Variants in GNB2 observed in about 807,000 individuals in gnomAD.
GNB2 encodes G protein subunit beta 2.
GNB2 carries 7 observed loss-of-function variants against 40.7 expected under a neutral mutation model. The ratio of observed to expected loss-of-function variants is 0.17; its 90% CI spans 0.10 to 0.32. The LOEUF (loss-of-function observed/expected upper bound fraction) is 0.32, where lower values mean the gene tolerates loss of function less well. Ranked by LOEUF, GNB2 falls within the 10% of genes least tolerant of loss-of-function variation. GNB2 has a pLI of 1.00. For synonymous variants in GNB2, 254 were observed against 191.2 expected (o/e 1.33, Z -2.71); for missense variants, 286 against 473.0 (o/e 0.60, Z 3.67).
chr7:100,677,335 ACACCGTTCCC>A lies in GNB2; in HGVS notation c.204-12_204-3del. ...TTCACGCCACCCTTCTGCTCTCCCT[ACACCGTTCCC>A]CACCAGGCTGCTGGTCAGCGCCTCC... On this transcript the variant is annotated splice_region_variant and splice_polypyrimidine_tract_variant and intron_variant, in intron 4 of 9. Coordinates refer to ENST00000303210, the MANE Select transcript of GNB2 (RefSeq NM_005273.4). The A allele has an allele frequency of 1.2e-6, 2 of 1,610,426 alleles. No homozygotes were observed. The highest frequency in any genetic ancestry group is 1.7e-6 in the Non-Finnish European group (2 of 1,176,796).
chr7:100,679,144 A>G lies in GNB2; in HGVS notation c.*343A>G. ...TTTTTATTATATTTTCAGTTTTTCC[A>G]TAAAGGAGCCAATTCCAACTCTGTA... On this transcript the variant is annotated 3_prime_UTR_variant, in exon 10 of 10. Transcript: ENST00000303210. The G allele has an allele frequency of 4.5e-6, 1 of 223,732 alleles. No homozygotes were observed. The highest frequency in any genetic ancestry group is 9.6e-5 in the East Asian group (1 of 10,468). The allele number at this position is 223,732 out of a possible 1,614,324, so 13.9% of individuals were successfully genotyped here. A position where few individuals can be genotyped will look rare whatever the true frequency, so the allele number is the denominator to read the frequency against.
intron 1 of GNB2, among the ~76,000 whole-genome samples, chr7:100,674,278 C>G (rs1302023027): frequency 6.6e-6 from 1 of 151,350 alleles, no homozygotes; most frequent in Non-Finnish European, 1.5e-5. Context: ...CCGCCTGCCC[C>G]CGGGGAGCAC....
intron 1 of GNB2, 116 bp from the exon 2 acceptor site, chr7:100,676,061 G>C (rs1232282293): frequency 4.8e-5 from 24 of 500,008 alleles, no homozygotes; most frequent in Admixed American, 1.2e-4. Context: ...GGGGACGGCG[G>C]CCGCGCCGCC....
rs1194230015 is a variant in GNB2, at chr7:100,678,504, T to A, written c.806T>A (p.Ile269Asn). 1 of 1,613,754 alleles carries A rather than the reference T, an allele frequency of 6.2e-7. No homozygotes were observed. The highest frequency in any genetic ancestry group is 8.5e-7 in the Non-Finnish European group (1 of 1,179,964). Residue 269 changes from isoleucine to asparagine, a missense_variant, in exon 9 of 10, where the codon ATC (isoleucine) becomes AAC (asparagine). Coordinates refer to ENST00000303210, the MANE Select transcript of GNB2 (RefSeq NM_005273.4). ...CTCCTCATGTACTCCCATGACAACA[T>A]CATCTGTGGCATCACCTCTGTTGCC... is the stretch of plus-strand genomic sequence containing the variant. Reference protein sequence around the residue: ...QELLMYSHDNIICGITSVAFS... With the variant: ...QELLMYSHDNNICGITSVAFS...
In GNB2 at chr7:100,676,429, T is replaced by C. The variant is rs1488704098; in HGVS notation, c.58-106T>C. On this transcript the variant is annotated intron_variant, in intron 2 of 9. Transcript: ENST00000303210. ...GGAAGGGGGAGGGAGGGCCCCTTAA[T>C]GGCTCAGAATCTGACCCTGTCCACT... The C allele has an allele frequency of 2.1e-5, 27 of 1,293,430 alleles. No homozygotes were observed. In the East Asian group the frequency reaches 6.2e-4, roughly 30 times the overall value. 80.1% of individuals were successfully genotyped at this position (1,293,430 alleles called of 1,614,324 possible).
At chr7:100,674,589 G>T (rs1207810088) in intron 1 of GNB2, among the ~76,000 whole-genome samples, 3 of 152,016 alleles carry the variant, frequency 2.0e-5, no homozygotes, top group Non-Finnish European at 4.4e-5. Flanking sequence ...TCGCAGCGCC[G>T]CACCAGCCCG....
At chr7:100,674,858 T>C (rs1386100705) in intron 1 of GNB2, among the ~76,000 whole-genome samples, 4 of 152,088 alleles carry the variant, frequency 2.6e-5, no homozygotes, top group African/African-American at 4.8e-5. Flanking sequence ...TGCTAGTAGG[T>C]GGAAGAGGCT....
In GNB2 at chr7:100,678,551, C is replaced by T. The variant is rs777430598; in HGVS notation, c.853C>T (p.Leu285=). 2.5e-6 allele frequency: 4 copies of T among 1,613,920 alleles called. No homozygotes were observed. The highest frequency in any genetic ancestry group is 2.2e-5 in the East Asian group (1 of 44,892). ...TGCCTTCTCGCGCAGCGGACGGCTGCTGCTCGCTGGCTACGACGACTTCAA... is the reference window on the plus strand; with the variant it reads ...TGCCTTCTCGCGCAGCGGACGGCTGTTGCTCGCTGGCTACGACGACTTCAA... The part of the protein sequence containing the change: ...SVAFSRSGRL[L]LAGYDDFNCN... The change falls in exon 9 of 10, where the codon CTG becomes TTG. Residue 285 remains leucine (L), a synonymous_variant. Transcript: ENST00000303210.
Position 100,678,287 on chromosome 7 carries a change from C to T in GNB2, c.687C>T (p.Ile229=). The part of the protein sequence containing the change: ...RQTFIGHESD[I]NAVAFFPNGY... Reference sequence around the variant, plus strand: ...CCTTCATCGGCCATGAATCCGACATCAATGCAGTGGCTGTGAGTTTTGGGG... The same window carrying T: ...CCTTCATCGGCCATGAATCCGACATTAATGCAGTGGCTGTGAGTTTTGGGG... The change falls in exon 8 of 10, where the codon ATC becomes ATT. Residue 229 remains isoleucine (I), a synonymous_variant. Transcript: ENST00000303210. 1 of 1,613,568 alleles carries T rather than the reference C, an allele frequency of 6.2e-7. No homozygotes were observed. Among genetic ancestry groups the T allele is most frequent in the Admixed American group, 1.7e-5 (1 of 60,016 alleles).
chr7:100,676,944 C>T, intron 4 of GNB2, 145 bp downstream of exon 4: 1 of 613,786 alleles, frequency 1.6e-6, no homozygotes, highest in South Asian at 2.0e-5. Context: ...GTCCGCCAGA[C>T]CTGGACAGGC....
chr7:100,674,382 C>T (rs772142614), intron 1 of GNB2, among the ~76,000 whole-genome samples: 10 of 152,202 alleles, frequency 6.6e-5, no homozygotes, highest in Admixed American at 3.3e-4. Flanking sequence ...GCCACCCTTC[C>T]TTTCGTCTCC....
At chr7:100,676,977 G>A in intron 4 of GNB2, 178 bp downstream of exon 4, 1 of 601,044 alleles carries the variant, frequency 1.7e-6, no homozygotes, top group Non-Finnish European at 3.0e-6. Flanking sequence ...GTGAGAACTT[G>A]TGGGCTGCAG....
Position 100,677,811 on chromosome 7 carries a change from A to G in GNB2, c.490A>G (p.Thr164Ala), listed in dbSNP as rs370099301. Residue 164 changes from threonine (T) to alanine (A), a missense_variant, in exon 7 of 10, where the codon ACC becomes GCC. Transcript: ENST00000303210. ...DNQIITSSGD[T>A]TCALWDIETG... ...CCAAATCATCACCAGCTCTGGGGAT[A>G]CCACCTGGTGAGGCTCTGCCAGGGC... 3.5e-5 allele frequency: 57 copies of G among 1,612,794 alleles called. No homozygotes were observed. The highest frequency in any genetic ancestry group is 4.8e-5 in the Non-Finnish European group (57 of 1,179,356).
rs1206236257 is a variant in GNB2 at position 100,678,379 on chromosome 7, T to C, written c.700-19T>C. On this transcript the variant is annotated intron_variant, in intron 8 of 9. Coordinates refer to ENST00000303210, the MANE Select transcript of GNB2 (RefSeq NM_005273.4). Reference sequence around the variant, plus strand: ...TCCTCACCCTCACCCTCACCCCATCTGGGTCCCGTGTCCTGCAGTTCTTCC... The same window carrying C: ...TCCTCACCCTCACCCTCACCCCATCCGGGTCCCGTGTCCTGCAGTTCTTCC... The C allele has an allele frequency of 7.5e-6, 12 of 1,609,024 alleles. No homozygotes were observed. The highest frequency in any genetic ancestry group is 9.4e-6 in the Non-Finnish European group (11 of 1,176,308).
At position 100,678,890 on chromosome 7, in the gene GNB2, C is replaced by A. The variant is rs1308407959; in HGVS notation, c.*89C>A. 1 of 1,037,584 alleles carries A rather than the reference C, an allele frequency of 9.6e-7. No homozygotes were observed. The highest frequency in any genetic ancestry group is 1.4e-6 in the Non-Finnish European group (1 of 695,464). 64.3% of individuals were successfully genotyped at this position (1,037,584 alleles called of 1,614,324 possible). A position where few individuals can be genotyped will look rare whatever the true frequency, so the allele number is the denominator to read the frequency against. On this transcript the variant is annotated 3_prime_UTR_variant, in exon 10 of 10. Coordinates refer to ENST00000303210, the MANE Select transcript of GNB2 (RefSeq NM_005273.4). Reference sequence around the variant, plus strand: ...GGCTGCGGGGCTGGCGCAATCCCAGCCCCCTTCCCCGGGCCACGGGGCCTT... The same window carrying A: ...GGCTGCGGGGCTGGCGCAATCCCAGACCCCTTCCCCGGGCCACGGGGCCTT...
At chr7:100,676,621 G>C in intron 3 of GNB2, 48 bp downstream of exon 3, 1 of 1,566,094 alleles carries the variant, frequency 6.4e-7, no homozygotes, top group Non-Finnish European at 8.8e-7. Flanking sequence ...GAAGGGGCAA[G>C]GATCAGAGGC....
intron 1 of GNB2, 59 bp downstream of exon 1, chr7:100,673,982 A>T (rs1374465521): frequency 6.5e-6 from 1 of 153,580 alleles, no homozygotes; most frequent in East Asian, 1.9e-4. Context: ...CCCCAGGGGA[A>T]CCTCTCTTCC....
intron 7 of GNB2, 66 bp from the exon 8 acceptor site, chr7:100,678,032 G>A: frequency 7.4e-7 from 1 of 1,343,190 alleles, no homozygotes; most frequent in Non-Finnish European, 1.1e-6. Context: ...TGGTGGGGCG[G>A]GGAGAACAGG....
rs1198712450 is a variant in GNB2 at position 100,676,221 on chromosome 7, C to T, written c.-45C>T. On this transcript the variant is annotated 5_prime_UTR_variant, in exon 2 of 10. Transcript: ENST00000303210. ...GAGCTGCCTCCCCCAGCCCCCGTCC[C>T]GCGGCCCCCAGCCGCCCCCAACCCT... is the stretch of plus-strand genomic sequence containing the variant. 3 of 1,317,648 alleles carry T rather than the reference C, an allele frequency of 2.3e-6. No individual in the cohort carries two copies. The highest frequency in any genetic ancestry group is 3.2e-6 in the Non-Finnish European group (3 of 940,834). 81.6% of individuals were successfully genotyped at this position (1,317,648 alleles called of 1,614,324 possible).
Sources: gnomAD v4.1 joint callset for allele counts (sites outside exome capture counted in the v4.1 genomes callset) on GRCh38, gnomAD v4.1.1 for gene constraint, MANE v1.5 for transcripts, NCBI Gene and HGNC (gene_info 2026-07-23, HGNC 2026-07-21) for gene names.